SHLD1: variants seen among roughly 807,000 people sequenced by gnomAD.
The protein encoded by SHLD1 is shieldin complex subunit 1.
Under a neutral mutation model 5.5 loss-of-function variants are expected in SHLD1, and 3 were observed. The observed-to-expected ratio is 0.54, with a 90% CI of 0.25 to 1.40. SHLD1 has a LOEUF of 1.40. Among genes scored for constraint, SHLD1 ranks in the 40% most tolerant of loss-of-function variants. SHLD1 has a pLI of 0.15. For synonymous variants in SHLD1, 92 were observed against 94.3 expected (o/e 0.98, Z 0.14); for missense variants, 210 against 244.4 (o/e 0.86, Z 0.94).
At position 5,807,189 on chromosome 20, in the gene SHLD1, T is replaced by TA. The variant is rs562767053; in HGVS notation, c.178+34153dup. ...ATTGGCACAATTATATCATCCTAAT[T>TA]AAAAAAATAAACCTGAAAATGTAGT... On this transcript the variant is annotated intron_variant, in intron 2 of 2. Transcript: ENST00000303142. Among the ~76,000 whole-genome samples the TA allele has an allele frequency of 4.4e-3, 664 of 152,262 alleles. 9 individuals are homozygous for TA. Among genetic ancestry groups the TA allele is most frequent in the African/African-American group, 0.015 (629 of 41,550 alleles).
At chr20:5,837,932 A>T (rs1481299776) in intron 2 of SHLD1, among the ~76,000 whole-genome samples, 2 of 152,234 alleles carry the variant, frequency 1.3e-5, no homozygotes, top group African/African-American at 2.4e-5. Context: ...CACAGTTCAA[A>T]CCTACCTTGT....
chr20:5,825,790 C>T (rs1016836160), intron 2 of SHLD1, among the ~76,000 whole-genome samples: 1 of 152,198 alleles, frequency 6.6e-6, no homozygotes, highest in African/African-American at 2.4e-5. Context: ...CATTTATAAA[C>T]CACTCCTTAT....
chr20:5,830,990 G>T (rs892534752), intron 2 of SHLD1, among the ~76,000 whole-genome samples: 2 of 151,820 alleles, frequency 1.3e-5, no homozygotes, highest in East Asian at 1.9e-4. Context: ...ATATACGCAC[G>T]TTATAATTTA....
rs575974036 is a variant in SHLD1, at chr20:5,778,967, G to A, written c.178+5924G>A. Among the ~76,000 whole-genome samples, 592 of 152,138 alleles carry A rather than the reference G, an allele frequency of 3.9e-3. 1 individual carries two copies. The highest frequency in any genetic ancestry group is 6.6e-3 in the Non-Finnish European group (451 of 68,012). Reference sequence around the variant, plus strand: ...CCTGTAATCCCAGCACTTTGGGAGGGCGAAGCAGGTGTATCGCTTGAGGCC... The same window carrying A: ...CCTGTAATCCCAGCACTTTGGGAGGACGAAGCAGGTGTATCGCTTGAGGCC... On this transcript the variant is annotated intron_variant, in intron 2 of 2. Transcript: ENST00000303142.
chr20:5,769,186 C>T (rs796201267), intron 1 of SHLD1, among the ~76,000 whole-genome samples: 13 of 152,330 alleles, frequency 8.5e-5, no homozygotes, highest in African/African-American at 2.9e-4. Flanking sequence ...GAATTACAGG[C>T]GTGAGCCACT....
Position 5,837,552 on chromosome 20 carries a change from G to A in SHLD1, c.179-25472G>A, listed in dbSNP as rs552991072. 1.2e-4 allele frequency among the ~76,000 whole-genome samples: 18 copies of A among 151,622 alleles called. 1 individual carries two copies. The South Asian group carries it at 3.3e-3, about 28-fold the overall frequency. On this transcript the variant is annotated intron_variant, in intron 2 of 2. Transcript: ENST00000303142. ...CATCATTCAGCTCCCACTTATAAGT[G>A]AGAACATGCGGTGTTTGGTTTTCTG...
chr20:5,818,548 A>G (rs1271188699), intron 2 of SHLD1, among the ~76,000 whole-genome samples: 3 of 152,198 alleles, frequency 2.0e-5, no homozygotes, highest in Non-Finnish European at 4.4e-5. Flanking sequence ...TTGCCAAGAA[A>G]TAAGAGGGTT....
chr20:5,832,761 A>G (rs1251439997), intron 2 of SHLD1, among the ~76,000 whole-genome samples: 1 of 151,914 alleles, frequency 6.6e-6, no homozygotes, highest in African/African-American at 2.4e-5. Flanking sequence ...CTCAGCCTGC[A>G]TGTGTACCCC....
intron 2 of SHLD1, among the ~76,000 whole-genome samples, chr20:5,774,259 TA>T (rs1351841135): frequency 1.3e-5 from 2 of 152,148 alleles, no homozygotes; most frequent in African/African-American, 4.8e-5. Context: ...TATATATTTT[TA>T]GAAAGAACTC....
chr20:5,784,617 A>ATT (rs1422521846), intron 2 of SHLD1, among the ~76,000 whole-genome samples: 1 of 151,450 alleles, frequency 6.6e-6, no homozygotes, highest in Non-Finnish European at 1.5e-5. Flanking sequence ...CGCCCGGCTA[A>ATT]TTTTTTATAT....
chr20:5,824,625 G>GGTTTT (rs1568520783), intron 2 of SHLD1, among the ~76,000 whole-genome samples: 1 of 125,536 alleles, frequency 8.0e-6, no homozygotes, highest in African/African-American at 2.9e-5. Context: ...GTTGTTGTTT[G>GGTTTT]TTTTTTTTTT....
intron 2 of SHLD1, among the ~76,000 whole-genome samples, chr20:5,812,407 G>T (rs149481149): frequency 6.6e-6 from 1 of 152,152 alleles, no homozygotes; most frequent in African/African-American, 2.4e-5. Context: ...GCAACTGGAA[G>T]ATGGTAAGAA....
chr20:5,840,175 C>T (rs1210277453), intron 2 of SHLD1, among the ~76,000 whole-genome samples: 3 of 152,228 alleles, frequency 2.0e-5, no homozygotes, highest in African/African-American at 4.8e-5. Flanking sequence ...TGGAGCCATA[C>T]TTCTTGAGTT....
intron 2 of SHLD1, among the ~76,000 whole-genome samples, chr20:5,829,544 G>A (rs1293528039): frequency 2.0e-5 from 3 of 152,234 alleles, no homozygotes; most frequent in African/African-American, 4.8e-5. Context: ...AAATTGGGCA[G>A]ATGGTCTTTA....
intron 2 of SHLD1, among the ~76,000 whole-genome samples, chr20:5,808,271 A>T (rs1402816356): frequency 1.5e-5 from 1 of 65,370 alleles, no homozygotes; most frequent in East Asian, 4.7e-4. Context: ...ATCTCAAAAA[A>T]AAAAGAAACG....
intron 2 of SHLD1, among the ~76,000 whole-genome samples, chr20:5,810,235 T>G (rs2087440066): frequency 6.6e-6 from 1 of 150,672 alleles, no homozygotes; most frequent in Non-Finnish European, 1.5e-5. Flanking sequence ...CCAGCCTGGG[T>G]GACAAAGCAA....
At chr20:5,786,193 A>C (rs2122289410) in intron 2 of SHLD1, among the ~76,000 whole-genome samples, 1 of 152,294 alleles carries the variant, frequency 6.6e-6, no homozygotes, top group East Asian at 1.9e-4. Flanking sequence ...GGGTCATAGA[A>C]ACCAGAACCC....
chr20:5,750,516 T>TGG (rs1983681782), intron 1 of SHLD1, 37 bp downstream of exon 1: 1 of 17,454 alleles, frequency 5.7e-5, no homozygotes, highest in African/African-American at 2.5e-4. Flanking sequence ...GTTGGAGTGG[T>TGG]GGGGGCGGGG....
At chr20:5,775,426 G>A (rs1985377937) in intron 2 of SHLD1, among the ~76,000 whole-genome samples, 1 of 152,162 alleles carries the variant, frequency 6.6e-6, no homozygotes, top group South Asian at 2.1e-4. Context: ...TGTGGACTCA[G>A]TTTTTACTTT....
Sources: allele counts gnomAD v4.1 joint callset (sites outside exome capture counted in the v4.1 genomes callset), GRCh38; gene constraint gnomAD v4.1.1; transcripts MANE v1.5; gene names NCBI Gene and HGNC (gene_info 2026-07-23, HGNC 2026-07-21).